The following EYA2 variants were observed in gnomAD, a reference collection of about 807,000 sequenced individuals.
The protein encoded by EYA2 is protein phosphatase EYA2.
A neutral mutation model predicts 69.2 loss-of-function variants in EYA2; 31 were observed. That is an observed-to-expected ratio of 0.45 (90% CI 0.34 to 0.60). EYA2 has a LOEUF of 0.60. Ranked by LOEUF, EYA2 falls within the 20% of genes least tolerant of loss-of-function variation. The pLI, the probability that EYA2 is intolerant of heterozygous loss-of-function variation, is 0.02. For missense variants in EYA2, 622 were observed against 701.2 expected (o/e 0.89, Z 1.28); for synonymous variants, 257 against 279.4 (o/e 0.92, Z 0.80).
intron 1 of EYA2, among the ~76,000 whole-genome samples, chr20:46,927,905 G>A (rs1044788811): frequency 2.0e-5 from 3 of 152,212 alleles, no homozygotes; most frequent in African/African-American, 7.2e-5. Flanking sequence ...AGGTAATGCA[G>A]TGAAGTGCAC....
chr20:47,090,471 C>T (rs2032048283), intron 8 of EYA2, among the ~76,000 whole-genome samples: 1 of 151,940 alleles, frequency 6.6e-6, no homozygotes, highest in South Asian at 2.1e-4. Context: ...AACTCCTGCC[C>T]TCAACTGACC....
intron 1 of EYA2, among the ~76,000 whole-genome samples, chr20:46,911,247 G>A (rs201389270): frequency 0.036 from 5,482 of 152,126 alleles, 207 homozygotes; most frequent in East Asian, 0.13. Context: ...GTGTGTGTGT[G>A]TGTGTGTGTG....
intron 5 of EYA2, among the ~76,000 whole-genome samples, chr20:47,019,378 A>G (rs781393506): frequency 6.6e-6 from 1 of 152,360 alleles, no homozygotes; most frequent in South Asian, 2.1e-4. Flanking sequence ...GAGACAGCCC[A>G]GGCATTTTGC....
chr20:46,936,409 T>G lies in EYA2; in HGVS notation c.-11+41422T>G, dbSNP rs533117643. Among the ~76,000 whole-genome samples, 4 of 152,278 alleles carry G rather than the reference T, an allele frequency of 2.6e-5. No individual in the cohort carries two copies. The East Asian group carries it at 7.7e-4, about 29-fold the overall frequency. On this transcript the variant is annotated intron_variant, in intron 1 of 15. Transcript: ENST00000327619. ...TCGCTTGAACCCGGGAGGCAGAGGT[T>G]GCAGTGGGCCAACATCACGCCATGG...
At chr20:46,947,744 C>T (rs1402977152) in intron 1 of EYA2, among the ~76,000 whole-genome samples, 1 of 152,190 alleles carries the variant, frequency 6.6e-6, no homozygotes, top group Non-Finnish European at 1.5e-5. Context: ...ATGACCATAA[C>T]TTTCAATAGA....
intron 9 of EYA2, among the ~76,000 whole-genome samples, chr20:47,132,354 T>C (rs758723198): frequency 6.6e-6 from 1 of 152,246 alleles, no homozygotes; most frequent in Non-Finnish European, 1.5e-5. Context: ...GTTCCAAGAA[T>C]GGCCCTAGTT....
intron 1 of EYA2, among the ~76,000 whole-genome samples, chr20:46,913,615 GT>G (rs1410768087): frequency 6.6e-6 from 1 of 152,184 alleles, no homozygotes; most frequent in African/African-American, 2.4e-5. Flanking sequence ...TTGGACCAGG[GT>G]GGTGGCAGTA....
At chr20:47,049,804 A>G (rs2030232237) in intron 5 of EYA2, among the ~76,000 whole-genome samples, 1 of 151,324 alleles carries the variant, frequency 6.6e-6, no homozygotes, top group Non-Finnish European at 1.5e-5. Context: ...GATGACAAAC[A>G]CAGTCCCACT....
At chr20:47,140,810 G>A (rs1210398359) in intron 9 of EYA2, among the ~76,000 whole-genome samples, 1 of 152,200 alleles carries the variant, frequency 6.6e-6, no homozygotes, top group Non-Finnish European at 1.5e-5. Flanking sequence ...TTATGATTCT[G>A]GGGATCGGCA....
chr20:47,066,641 C>T (rs1244705356), intron 5 of EYA2, among the ~76,000 whole-genome samples: 1 of 152,168 alleles, frequency 6.6e-6, no homozygotes, highest in Admixed American at 6.5e-5. Context: ...ACTCCTATCC[C>T]TTTGCCTAGA....
intron 2 of EYA2, 28 bp downstream of exon 2, chr20:46,990,147 A>T: frequency 7.5e-7 from 1 of 1,326,634 alleles, no homozygotes; most frequent in Non-Finnish European, 1.1e-6. Flanking sequence ...AGTTTGGGTC[A>T]ACAGGTGTGG....
intron 5 of EYA2, among the ~76,000 whole-genome samples, chr20:47,064,604 C>T (rs914735130): frequency 3.9e-5 from 6 of 152,224 alleles, no homozygotes; most frequent in African/African-American, 9.6e-5. Context: ...ATTCCACCAG[C>T]GTGTGTGAGT....
chr20:47,016,083 T>A (rs914577861), intron 4 of EYA2, 98 bp from the exon 5 acceptor site: 18 of 866,308 alleles, frequency 2.1e-5, no homozygotes, highest in Non-Finnish European at 3.3e-5. Context: ...GCTGATAAAA[T>A]TGCATGCTGT....
chr20:46,987,919 T>TCTCTCCCTCTCTCC (rs56178588), intron 1 of EYA2, among the ~76,000 whole-genome samples: 4 of 18,752 alleles, frequency 2.1e-4, no homozygotes, highest in Non-Finnish European at 3.6e-4. Flanking sequence ...AGAGTAAGTC[T>TCTCTCCCTCTCTCC]CTCTCTCTCT....
At chr20:46,933,395 A>G (rs950989699) in intron 1 of EYA2, among the ~76,000 whole-genome samples, 1 of 152,182 alleles carries the variant, frequency 6.6e-6, no homozygotes, top group Admixed American at 6.5e-5. Flanking sequence ...GGCTGGCCAC[A>G]CTTCCACAGA....
intron 15 of EYA2, among the ~76,000 whole-genome samples, chr20:47,185,276 CTTTTTTTTTTTTTTTTTTTTTTT>C (rs765083065): frequency 1.4e-4 from 8 of 55,930 alleles, no homozygotes; most frequent in East Asian, 6.6e-4. Context: ...GAATCACACT[CTTTTTTTTTTTTTTTTTTTTTTT>C]TTTTTTTTTT....
intron 9 of EYA2, among the ~76,000 whole-genome samples, chr20:47,110,914 G>A (rs1394863565): frequency 6.6e-6 from 1 of 152,216 alleles, no homozygotes. Context: ...CTAGAGCCTG[G>A]CCCACAGCAG....
chr20:46,993,305 A>G (rs960907601), intron 2 of EYA2, among the ~76,000 whole-genome samples: 3 of 152,186 alleles, frequency 2.0e-5, no homozygotes, highest in African/African-American at 7.2e-5. Context: ...CCACTTGTCT[A>G]TCCCTGGAAG....
At chr20:47,088,543 T>A (rs2031970041) in intron 7 of EYA2, among the ~76,000 whole-genome samples, 1 of 152,008 alleles carries the variant, frequency 6.6e-6, no homozygotes, top group Admixed American at 6.6e-5. Flanking sequence ...TATAAATGAG[T>A]CACCTTTCAG....
Sources: allele counts gnomAD v4.1 joint callset (sites outside exome capture counted in the v4.1 genomes callset), GRCh38; gene constraint gnomAD v4.1.1; transcripts MANE v1.5; gene names NCBI Gene and HGNC (gene_info 2026-07-23, HGNC 2026-07-21).